EGFR: variants seen among roughly 807,000 people sequenced by gnomAD.
EGFR encodes epidermal growth factor receptor.
A neutral mutation model predicts 143.0 loss-of-function variants in EGFR; 58 were observed. The ratio of observed to expected loss-of-function variants is 0.41; its 90% confidence interval spans 0.33 to 0.50. The LOEUF is 0.50. Ranked by LOEUF, EGFR falls within the 20% of genes least tolerant of loss-of-function variation. The pLI, the probability that EGFR is intolerant of heterozygous loss-of-function variation, is 0.39. For synonymous variants in EGFR, 613 were observed against 594.4 expected (o/e 1.03, Z -0.45); for missense variants, 1,307 against 1,579.0 (o/e 0.83, Z 2.92).
Position 55,166,790 on chromosome 7 carries a change from GTT to G in EGFR, c.1880+1354_1880+1355del, listed in dbSNP as rs1786029314. On this transcript the variant is annotated intron_variant, in intron 15 of 27. Coordinates refer to ENST00000275493, the MANE Select transcript of EGFR (RefSeq NM_005228.5). The stretch of plus-strand genomic sequence containing the variant: ...AGGTGAGAGTCACAATGTTGGTGGT[GTT>G]GGTGGTGGTGGTGGTGAGGAGGTGG... 1.5e-5 allele frequency among the ~76,000 whole-genome samples: 2 copies of G among 136,036 alleles called. 1 individual carries two copies. Among genetic ancestry groups the G allele is most frequent in the Non-Finnish European group, 3.1e-5 (2 of 65,098 alleles). The allele number at this position is 136,036 out of a possible 152,430, so 89.2% of individuals were successfully genotyped here.
intron 1 of EGFR, among the ~76,000 whole-genome samples, chr7:55,061,408 G>A (rs1397776353): frequency 6.6e-6 from 1 of 152,152 alleles, no homozygotes; most frequent in East Asian, 1.9e-4. Flanking sequence ...GTTTGTGTCT[G>A]TATCAGTACA....
intron 11 of EGFR, among the ~76,000 whole-genome samples, chr7:55,159,793 C>G (rs947891943): frequency 6.6e-6 from 1 of 152,158 alleles, no homozygotes; most frequent in Non-Finnish European, 1.5e-5. Flanking sequence ...TGGATGAACC[C>G]ACACCTTTGA....
intron 1 of EGFR, among the ~76,000 whole-genome samples, chr7:55,084,327 C>T (rs968830122): frequency 6.6e-5 from 10 of 152,314 alleles, no homozygotes; most frequent in African/African-American, 2.4e-4. Flanking sequence ...CCACCCTCTC[C>T]ATAAGCAGTT....
intron 13 of EGFR, among the ~76,000 whole-genome samples, chr7:55,161,950 G>C (rs1182305109): frequency 1.3e-5 from 2 of 152,134 alleles, no homozygotes; most frequent in African/African-American, 4.8e-5. Context: ...GTCATCAATG[G>C]TTCATCTAGC....
chr7:55,081,434 T>C (rs1790457148), intron 1 of EGFR, among the ~76,000 whole-genome samples: 1 of 152,178 alleles, frequency 6.6e-6, no homozygotes, highest in African/African-American at 2.4e-5. Flanking sequence ...TTCTTCGCAA[T>C]GAGTGTTGCA....
intron 27 of EGFR, 24 bp from the exon 28 acceptor site, chr7:55,205,231 AC>A: frequency 6.2e-7 from 1 of 1,613,556 alleles, no homozygotes; most frequent in Non-Finnish European, 8.5e-7. Flanking sequence ...TGATTACTTC[AC>A]CTCTGATTTC....
chr7:55,075,855 TAA>T (rs1790107211), intron 1 of EGFR, among the ~76,000 whole-genome samples: 1 of 152,162 alleles, frequency 6.6e-6, no homozygotes, highest in Non-Finnish European at 1.5e-5. Context: ...TTTGCTGAGC[TAA>T]AAAGAGCATT....
chr7:55,051,717 A>G (rs925113839), intron 1 of EGFR, among the ~76,000 whole-genome samples: 9 of 152,140 alleles, frequency 5.9e-5, no homozygotes, highest in African/African-American at 2.2e-4. Context: ...GTTAAAGGAA[A>G]CTTTTCAAGA....
At chr7:55,171,905 A>G (rs991598914) in intron 16 of EGFR, among the ~76,000 whole-genome samples, 3 of 152,182 alleles carry the variant, frequency 2.0e-5, no homozygotes, top group Admixed American at 2.0e-4. Flanking sequence ...TAACATTTAC[A>G]AAGTCCCTTC....
At position 55,108,489 on chromosome 7, in the gene EGFR, G is replaced by GA. The variant is rs557517749; in HGVS notation, c.89-33795dup. Among the ~76,000 whole-genome samples the GA allele has an allele frequency of 8.4e-4, 128 of 152,334 alleles. 1 individual carries two copies. The highest frequency in any genetic ancestry group is 3.4e-3 in the Middle Eastern group (1 of 294). ...GTGAGTGTCTGTGGAATAATTTTGG[G>GA]AAGTGAAATCTGTGGTCAGAGGTTT... On this transcript the variant is annotated intron_variant, in intron 1 of 27. Transcript: ENST00000275493.
intron 15 of EGFR, among the ~76,000 whole-genome samples, chr7:55,166,691 G>GTGT (rs1433271345): frequency 2.4e-5 from 3 of 124,522 alleles, no homozygotes; most frequent in Non-Finnish European, 5.1e-5. Context: ...AATGGTGGTG[G>GTGT]TGATGGTGTT....
intron 22 of EGFR, among the ~76,000 whole-genome samples, chr7:55,196,833 G>A (rs898023817): frequency 7.9e-5 from 12 of 151,596 alleles, no homozygotes; most frequent in South Asian, 2.1e-4. Flanking sequence ...TAGGTGTGCA[G>A]CCTTATTTCT....
chr7:55,129,109 T>G (rs1793693335), intron 1 of EGFR, among the ~76,000 whole-genome samples: 2 of 152,228 alleles, frequency 1.3e-5, no homozygotes, highest in Admixed American at 1.3e-4. Flanking sequence ...AAGGACAAAA[T>G]GTGCTGTGAA....
At chr7:55,144,387 T>C (rs536005330) in intron 3 of EGFR, among the ~76,000 whole-genome samples, 26 of 152,342 alleles carry the variant, frequency 1.7e-4, no homozygotes, top group African/African-American at 5.5e-4. Flanking sequence ...GGGCCCCAGC[T>C]AGTGAATGGA....
At chr7:55,123,555 T>C (rs747481613) in intron 1 of EGFR, among the ~76,000 whole-genome samples, 2 of 152,136 alleles carry the variant, frequency 1.3e-5, no homozygotes. Flanking sequence ...TTGTGAAATA[T>C]CTTCAGAGTC....
rs772603001 is a variant in EGFR at position 55,192,855 on chromosome 7, C to T, written c.2701+14C>T. The stretch of plus-strand genomic sequence containing the variant: ...TCTGGAGCTACGGTGAGTCATAATC[C>T]TGATGCTAATGAGTTTGTACTGAGG... On this transcript the variant is annotated intron_variant, in intron 22 of 27. Coordinates refer to ENST00000275493, the MANE Select transcript of EGFR (RefSeq NM_005228.5). 2.5e-6 allele frequency: 4 copies of T among 1,613,248 alleles called. No homozygotes were observed. The East Asian group carries it at 8.9e-5, about 36-fold the overall frequency.
chr7:55,089,623 G>A (rs1462367501), intron 1 of EGFR, among the ~76,000 whole-genome samples: 1 of 152,022 alleles, frequency 6.6e-6, no homozygotes, highest in African/African-American at 2.4e-5. Context: ...TGCTGTCATC[G>A]AACTTAAAAA....
At chr7:55,031,779 A>G (rs1330811136) in intron 1 of EGFR, among the ~76,000 whole-genome samples, 1 of 152,254 alleles carries the variant, frequency 6.6e-6, no homozygotes, top group African/African-American at 2.4e-5. Context: ...ATTGGGTGCT[A>G]AGGCAAAGAG....
intron 1 of EGFR, among the ~76,000 whole-genome samples, chr7:55,073,718 G>A (rs1354462355): frequency 6.6e-6 from 1 of 152,136 alleles, no homozygotes; most frequent in Non-Finnish European, 1.5e-5. Flanking sequence ...CCTGAATCTC[G>A]TTCCTGTTCT....
Sources: gnomAD v4.1 joint callset for allele counts (sites outside exome capture counted in the v4.1 genomes callset) on GRCh38, gnomAD v4.1.1 for gene constraint, MANE v1.5 for transcripts, NCBI Gene and HGNC (gene_info 2026-07-23, HGNC 2026-07-21) for gene names.